The following GARNL3 variants were observed in gnomAD, a reference collection of about 807,000 sequenced individuals.
The protein encoded by GARNL3 is GTPase activating Rap/RanGAP domain like 3, also known as GTPase-activating Rap/Ran-GAP domain-like protein 3.
GARNL3 carries 63 observed loss-of-function variants against 125.0 expected under a neutral mutation model. The observed-to-expected ratio is 0.50, with a 90% confidence interval of 0.41 to 0.62. The LOEUF is 0.62. GARNL3 is among the 20% of genes least tolerant of loss of function. GARNL3 has a pLI of 0.00. For synonymous variants in GARNL3, 439 were observed against 457.5 expected (o/e 0.96, Z 0.52); for missense variants, 994 against 1,244.0 (o/e 0.80, Z 3.02).
At chr9:127,268,857 T>C (rs2063757840) in intron 1 of GARNL3, among the ~76,000 whole-genome samples, 1 of 152,236 alleles carries the variant, frequency 6.6e-6, no homozygotes, top group Admixed American at 6.5e-5. Flanking sequence ...ATTTGTCCTT[T>C]TGTATCTGGT....
At chr9:127,261,733 G>C (rs2063596849), upstream of GARNL3, among the ~76,000 whole-genome samples, 1 of 152,108 alleles carries the variant, frequency 6.6e-6, no homozygotes, top group African/African-American at 2.4e-5. Flanking sequence ...GTTTTTAAGG[G>C]CTGGGTCTGG....
rs2062887977 is a variant in GARNL3, at chr9:127,225,359, G to A, written c.-29+1021G>A. ...TGGCCGCTGCGCTCCTGCGGCAGAA[G>A]AGGGCGGCGCTGCGGCGCAGGGGGT... On this transcript the variant is annotated intron_variant, in intron 1 of 10. Coordinates refer to the GARNL3 transcript ENST00000439286. 3.0e-6 allele frequency: 3 copies of A among 984,944 alleles called. No individual in the cohort carries two copies. The South Asian group carries it at 1.4e-4, about 46-fold the overall frequency. The allele number at this position is 984,944 out of a possible 1,614,324, so 61.0% of individuals were successfully genotyped here. A position where few individuals can be genotyped will look rare whatever the true frequency, so the allele number is the denominator to read the frequency against.
chr9:127,300,251 G>C lies in GARNL3; in HGVS notation c.219+9009G>C, dbSNP rs554788941. The C allele has an allele frequency of 6.4e-5, 18 of 279,446 alleles. No individual in the cohort carries two copies. In the East Asian group the frequency reaches 1.9e-3, roughly 29 times the overall value. The allele number at this position is 279,446 out of a possible 1,614,324, so 17.3% of individuals were successfully genotyped here. ...CACAATTTTTGAGCAAAAAATCTTT[G>C]TGCTTTTTTAAGATCAATTTCAAAA... On this transcript the variant is annotated intron_variant, in intron 2 of 27. Coordinates refer to ENST00000373387, the MANE Select transcript of GARNL3 (RefSeq NM_032293.5).
Position 127,338,129 on chromosome 9 carries a change from A to C in GARNL3, c.996A>C (p.Leu332Phe). The change falls in exon 12 of 28, where the codon TTA becomes TTC. Residue 332 changes from leucine to phenylalanine, a missense_variant. By Grantham distance (22) the Leu-to-Phe change is conservative. This residue lies in a region of GARNL3 where 728 missense variants were observed against 865.7 expected (regional missense o/e 0.84). Transcript: ENST00000373387. ...IRSHFTHIFA[L>F]VRYNQQNDNY... The stretch of plus-strand genomic sequence containing the variant: ...CCATCACCACAGATATTTTTGCCTT[A>C]GTGAGATACAATCAACAAAATGACA... 6.2e-7 allele frequency: 1 copy of C among 1,611,662 alleles called. No homozygotes were observed. Among genetic ancestry groups the C allele is most frequent in the Non-Finnish European group, 8.5e-7 (1 of 1,177,714 alleles).
chr9:127,387,296 G>A lies in GARNL3; in HGVS notation c.2492G>A (p.Arg831Gln), dbSNP rs370694387. 110 of 1,614,124 alleles carry A rather than the reference G, an allele frequency of 6.8e-5. No homozygotes were observed. The South Asian group carries it at 7.2e-4, about 11-fold the overall frequency. ...AATTCTCCTCAGACACCCCCGGGCC[G>A]AGATACTCCAGTATTTCCTTCTTCC... The part of the protein sequence containing the change: ...ARNSPQTPPG[R>Q]DTPVFPSSLG... The change falls in exon 25 of 28, where the codon CGA becomes CAA. Residue 831 changes from arginine (R) to glutamine (Q), a missense_variant. Physicochemically the swap from Arg to Gln is conservative, Grantham distance 43. Around this residue, in one of 5 missense-constraint regions of GARNL3, gnomAD observed 728 missense variants for 865.7 expected, o/e 0.84. Coordinates refer to ENST00000373387, the MANE Select transcript of GARNL3 (RefSeq NM_032293.5).
intron 2 of GARNL3, among the ~76,000 whole-genome samples, chr9:127,304,955 T>C (rs2064909790): frequency 6.6e-6 from 1 of 152,070 alleles, no homozygotes; most frequent in African/African-American, 2.4e-5. Flanking sequence ...TGAGAAAGAG[T>C]GAACCACTGC....
rs1832431054 is a variant in GARNL3, at chr9:127,384,369, A to T, written c.2270-658A>T. Reference sequence around the variant, plus strand: ...AGAGAGCCAGTGCGAAGAAGGGGACAACACGAAGTGCCAGGAAGAAAGAGG... The same window carrying T: ...AGAGAGCCAGTGCGAAGAAGGGGACTACACGAAGTGCCAGGAAGAAAGAGG... On this transcript the variant is annotated intron_variant, in intron 23 of 27. Coordinates refer to ENST00000373387, the MANE Select transcript of GARNL3 (RefSeq NM_032293.5). The surrounding 1 kb of genome is among the most constrained non-coding windows in gnomAD (Gnocchi z 4.0). Among the ~76,000 whole-genome samples the T allele has an allele frequency of 6.6e-6, 1 of 152,122 alleles. No homozygotes were observed. Among genetic ancestry groups the T allele is most frequent in the Non-Finnish European group, 1.5e-5 (1 of 68,018 alleles).
intron 1 of GARNL3, among the ~76,000 whole-genome samples, chr9:127,234,371 A>G (rs1022414507): frequency 6.6e-6 from 1 of 152,242 alleles, no homozygotes; most frequent in Non-Finnish European, 1.5e-5. Context: ...TCTGACAAAC[A>G]GTGCTGTAGG....
chr9:127,313,920 T>C (rs2065163638), intron 4 of GARNL3, among the ~76,000 whole-genome samples: 1 of 152,162 alleles, frequency 6.6e-6, no homozygotes, highest in Non-Finnish European at 1.5e-5. Context: ...TTTGTGCACA[T>C]GGGGAGAGGG....
upstream of GARNL3, chr9:127,264,584 C>A (rs2063661567): frequency 1.9e-6 from 2 of 1,069,058 alleles, no homozygotes; most frequent in Non-Finnish European, 2.3e-6. Context: ...GGTTCAGCAG[C>A]TTTGTCCCTT....
chr9:127,382,815 A>C (rs1328685796), intron 22 of GARNL3, among the ~76,000 whole-genome samples: 1 of 152,174 alleles, frequency 6.6e-6, no homozygotes, highest in Non-Finnish European at 1.5e-5. Flanking sequence ...CCAAGAGGAT[A>C]CAAGCGTATG....
At chr9:127,286,481 AG>A (rs1394983044) in intron 1 of GARNL3, among the ~76,000 whole-genome samples, 5 of 152,154 alleles carry the variant, frequency 3.3e-5, no homozygotes, top group Non-Finnish European at 7.4e-5. Flanking sequence ...CATTCTTTAC[AG>A]TTTTTCCCAG....
chr9:127,315,907 C>G (rs1281278359), intron 4 of GARNL3, among the ~76,000 whole-genome samples: 1 of 152,210 alleles, frequency 6.6e-6, no homozygotes, highest in East Asian at 1.9e-4. Context: ...ACACACACAC[C>G]TGTTACACAG....
chr9:127,262,016 G>A (rs144968227), upstream of GARNL3, among the ~76,000 whole-genome samples: 464 of 152,214 alleles, frequency 3.0e-3, 1 homozygote, highest in Middle Eastern at 0.01. Context: ...TGAGTACATG[G>A]TCCACCTTCT....
upstream of GARNL3, among the ~76,000 whole-genome samples, chr9:127,259,019 C>T (rs940485573): frequency 6.6e-6 from 1 of 152,208 alleles, no homozygotes; most frequent in African/African-American, 2.4e-5. Context: ...TCTACCAGGC[C>T]TAGCCACTGC....
intron 11 of GARNL3, among the ~76,000 whole-genome samples, chr9:127,337,001 A>G (rs1332254465): frequency 1.3e-5 from 2 of 152,250 alleles, no homozygotes; most frequent in Non-Finnish European, 2.9e-5. Context: ...ACATGTTTGG[A>G]GACAGGCCCA....
chr9:127,310,342 A>C (rs749235669), intron 2 of GARNL3, among the ~76,000 whole-genome samples: 36 of 152,240 alleles, frequency 2.4e-4, no homozygotes, highest in Non-Finnish European at 2.9e-4. Flanking sequence ...TAAAAGCAAA[A>C]ATTTGATCAG....
rs1479772252 is a variant in GARNL3 at position 127,325,189 on chromosome 9, C to G, written c.594+94C>G. On this transcript the variant is annotated intron_variant, in intron 7 of 27. Coordinates refer to ENST00000373387, the MANE Select transcript of GARNL3 (RefSeq NM_032293.5). ...CTGTGAACCCAGCCTTTGCTTTCAG[C>G]CAAATCTCCATGTAGATTTGCACAG... 5 of 1,215,468 alleles carry G rather than the reference C, an allele frequency of 4.1e-6. No homozygotes were observed. In the South Asian group the frequency reaches 6.3e-5, roughly 15 times the overall value. 75.3% of individuals were successfully genotyped at this position (1,215,468 alleles called of 1,614,324 possible).
rs762313076 is a variant in GARNL3, at chr9:127,264,847, C to T, written c.-31C>T. 12 of 1,528,486 alleles carry T rather than the reference C, an allele frequency of 7.9e-6. No individual in the cohort carries two copies. The highest frequency in any genetic ancestry group is 6.9e-5 in the African/African-American group (5 of 72,454). 94.7% of individuals were successfully genotyped at this position (1,528,486 alleles called of 1,614,324 possible). ...CCTGCAGTGAGGAGCCGGGGCACTGCAAGTCTGTTCCATAGCAGCCCTTTT... is the reference window on the plus strand; with the variant it reads ...CCTGCAGTGAGGAGCCGGGGCACTGTAAGTCTGTTCCATAGCAGCCCTTTT... On this transcript the variant is annotated 5_prime_UTR_variant, in exon 1 of 28. Coordinates refer to ENST00000373387, the MANE Select transcript of GARNL3 (RefSeq NM_032293.5).
Sources: allele counts gnomAD v4.1 joint callset (sites outside exome capture counted in the v4.1 genomes callset), GRCh38; gene constraint gnomAD v4.1.1; regional missense constraint gnomAD v4.1.1; non-coding constraint Gnocchi (gnomAD v3.1); transcripts MANE v1.5; gene names NCBI Gene and HGNC (gene_info 2026-07-23, HGNC 2026-07-21).